The following ANKS1B variants were observed in gnomAD, a reference collection of about 807,000 sequenced individuals.
ANKS1B encodes the protein ankyrin repeat and sterile alpha motif domain-containing protein 1B.
In ANKS1B, 36 loss-of-function variants were observed where a neutral mutation model predicts 148.3. That is an observed-to-expected ratio of 0.24 (90% CI 0.19 to 0.32). ANKS1B has a LOEUF of 0.32. Ranked by LOEUF, ANKS1B falls within the 10% of genes least tolerant of loss-of-function variation. The probability of loss-of-function intolerance (pLI) is 1.00; values close to 1 mark genes in which losing one functional copy is unlikely to be tolerated. For missense variants in ANKS1B, 1,157 were observed against 1,542.6 expected (o/e 0.75, Z 4.19); for synonymous variants, 542 against 560.8 (o/e 0.97, Z 0.47).
chr12:99,216,563 A>G (rs1369665645), intron 14 of ANKS1B, among the ~76,000 whole-genome samples: 1 of 152,170 alleles, frequency 6.6e-6, no homozygotes, highest in Admixed American at 6.5e-5. Context: ...AGTAGCATGT[A>G]TTTTACACAT....
intron 10 of ANKS1B, among the ~76,000 whole-genome samples, chr12:99,446,480 TAC>T (rs1166355634): frequency 3.3e-5 from 5 of 152,058 alleles, no homozygotes; most frequent in Admixed American, 1.3e-4. Context: ...CAAATTAACT[TAC>T]AAAATACATT....
chr12:99,440,092 T>A (rs759369051), intron 11 of ANKS1B, among the ~76,000 whole-genome samples: 4 of 151,670 alleles, frequency 2.6e-5, no homozygotes, highest in Non-Finnish European at 4.4e-5. Flanking sequence ...GAATAGCCAA[T>A]CCTAATACAT....
intron 17 of ANKS1B, among the ~76,000 whole-genome samples, chr12:98,891,287 GA>G (rs1230516649): frequency 6.6e-6 from 1 of 151,708 alleles, no homozygotes; most frequent in East Asian, 1.9e-4. Flanking sequence ...CCAACACTGA[GA>G]AATATTGGCC....
chr12:99,363,365 ATTGAC>A (rs1394575428), intron 12 of ANKS1B, among the ~76,000 whole-genome samples: 2 of 152,184 alleles, frequency 1.3e-5, no homozygotes, highest in Non-Finnish European at 2.9e-5. Flanking sequence ...TTATTTTACC[ATTGAC>A]TTAAGTAAAA....
chr12:99,611,356 A>T (rs1222500715), intron 9 of ANKS1B, among the ~76,000 whole-genome samples: 1 of 152,118 alleles, frequency 6.6e-6, no homozygotes, highest in Non-Finnish European at 1.5e-5. Flanking sequence ...CCAGGCATTT[A>T]ACCTAATCAT....
intron 17 of ANKS1B, among the ~76,000 whole-genome samples, chr12:98,864,077 A>G (rs186842400): frequency 5.9e-5 from 9 of 151,386 alleles, no homozygotes; most frequent in Admixed American, 5.2e-4. Flanking sequence ...GAAGGAAGGA[A>G]CTATCTACTG....
In ANKS1B at chr12:99,399,756, T is replaced by C. The variant is rs1337629207; in HGVS notation, c.1631A>G (p.Asn544Ser). 1 of 1,613,374 alleles carries C rather than the reference T, an allele frequency of 6.2e-7. No homozygotes were observed. Among genetic ancestry groups the C allele is most frequent in the African/African-American group, 1.3e-5 (1 of 74,896 alleles). ...SSLDFHRMNHNQEYFEINTST... is the reference protein window; with the variant it reads ...SSLDFHRMNHSQEYFEINTST... ...TGTGTTGATTTCAAAATATTCTTGG[T>C]TGTGATTCATTCGGTGAAAATCCAG... The change falls in exon 12 of 27, where the codon AAC becomes AGC. Residue 544 changes from asparagine (N) to serine (S), a missense_variant. Asn to Ser is a conservative substitution (Grantham distance 46, BLOSUM62 1). Coordinates refer to ENST00000683438, the MANE Select transcript of ANKS1B (RefSeq NM_001352186.2).
At chr12:99,238,401 G>C (rs994567198) in intron 14 of ANKS1B, among the ~76,000 whole-genome samples, 1 of 152,180 alleles carries the variant, frequency 6.6e-6, no homozygotes, top group Non-Finnish European at 1.5e-5. Flanking sequence ...CAAAGCAGCC[G>C]GGAAGCTCCA....
intron 12 of ANKS1B, among the ~76,000 whole-genome samples, chr12:99,257,149 C>T (rs1439342645): frequency 6.6e-6 from 1 of 151,964 alleles, no homozygotes; most frequent in Non-Finnish European, 1.5e-5. Flanking sequence ...GAGGCTGAGG[C>T]AGGAGAATGG....
intron 12 of ANKS1B, among the ~76,000 whole-genome samples, chr12:99,348,673 T>C (rs2091048879): frequency 6.6e-6 from 1 of 151,852 alleles, no homozygotes; most frequent in Non-Finnish European, 1.5e-5. Context: ...GAACTGTAAA[T>C]TAAGACCTAT....
chr12:99,145,910 G>A (rs749642500), intron 15 of ANKS1B, among the ~76,000 whole-genome samples: 4 of 151,902 alleles, frequency 2.6e-5, no homozygotes, highest in East Asian at 1.9e-4. Flanking sequence ...AATATTGACC[G>A]TATTGGTGAG....
chr12:98,917,141 C>T (rs772891916), intron 17 of ANKS1B, among the ~76,000 whole-genome samples: 12 of 151,916 alleles, frequency 7.9e-5, no homozygotes, highest in Non-Finnish European at 1.6e-4. Flanking sequence ...TTAAATTTTT[C>T]GTAGAGACAG....
intron 9 of ANKS1B, among the ~76,000 whole-genome samples, chr12:99,578,355 C>T (rs2097538486): frequency 6.6e-6 from 1 of 152,002 alleles, no homozygotes; most frequent in Non-Finnish European, 1.5e-5. Flanking sequence ...AGGTCCTAGC[C>T]AGAGCAATCA....
chr12:99,378,965 C>T (rs2093521878), intron 12 of ANKS1B, among the ~76,000 whole-genome samples: 1 of 152,120 alleles, frequency 6.6e-6, no homozygotes, highest in South Asian at 2.1e-4. Context: ...ACTCTTCCAT[C>T]CATTTGTAAT....
chr12:99,246,131 C>T (rs1334860349), intron 13 of ANKS1B, 144 bp downstream of exon 13: 10 of 602,624 alleles, frequency 1.7e-5, no homozygotes, highest in East Asian at 2.9e-5. Context: ...CATGCATTAC[C>T]CACAGAACCA....
intron 17 of ANKS1B, among the ~76,000 whole-genome samples, chr12:98,983,213 T>TTTTCTA (rs2099916446): frequency 6.6e-6 from 1 of 152,194 alleles, no homozygotes; most frequent in Non-Finnish European, 1.5e-5. Context: ...CTAGAGGCGC[T>TTTTCTA]GTGGAAAAAT....
At chr12:99,924,779 A>G (rs1325163214) in intron 1 of ANKS1B, among the ~76,000 whole-genome samples, 1 of 152,162 alleles carries the variant, frequency 6.6e-6, no homozygotes, top group Non-Finnish European at 1.5e-5. Context: ...GAAGTCTGAG[A>G]AATGAATTGT....
At chr12:98,975,253 TTTCC>T (rs1160697841) in intron 17 of ANKS1B, among the ~76,000 whole-genome samples, 3 of 136,610 alleles carry the variant, frequency 2.2e-5, no homozygotes, top group Non-Finnish European at 4.7e-5. Flanking sequence ...TCCTTCTTTC[TTTCC>T]TTCATTCCTC....
intron 12 of ANKS1B, among the ~76,000 whole-genome samples, chr12:99,337,077 T>C (rs73149176): frequency 0.041 from 6,273 of 152,276 alleles, 173 homozygotes; most frequent in Non-Finnish European, 0.065. Context: ...TCTTTTATTA[T>C]ACCTTTGAAT....
Sources: gnomAD v4.1 joint callset for allele counts (sites outside exome capture counted in the v4.1 genomes callset) on GRCh38, gnomAD v4.1.1 for gene constraint, MANE v1.5 for transcripts, NCBI Gene and HGNC (gene_info 2026-07-23, HGNC 2026-07-21) for gene names.